The following IL33 variants were observed in gnomAD, a reference collection of about 807,000 sequenced individuals.
The protein encoded by IL33 is interleukin-33.
A neutral mutation model predicts 27.3 loss-of-function variants in IL33; 37 were observed. That is an observed-to-expected ratio of 1.36 (90% CI 1.04 to 1.78). The LOEUF (loss-of-function observed/expected upper bound fraction) is 1.78. IL33 is among the 40% of genes most tolerant of loss of function. IL33 has a pLI of 0.00. For missense variants in IL33, 406 were observed against 311.4 expected, an observed-to-expected ratio of 1.30 and a Z score of -2.29; for synonymous variants, 132 against 102.9, an observed-to-expected ratio of 1.28 and a Z score of -1.71.
chr9:6,252,789 T>C, intron 4 of IL33, 77 bp from the exon 5 acceptor site: 1 of 1,569,220 alleles, frequency 6.4e-7, no homozygotes, highest in South Asian at 1.2e-5. Flanking sequence ...ATTGCAAAAA[T>C]GTTTTTTGAG....
chr9:6,231,008 G>C lies in IL33; in HGVS notation c.-11-10676G>C, dbSNP rs937717867. 3.3e-5 allele frequency among the ~76,000 whole-genome samples: 5 copies of C among 152,100 alleles called. No homozygotes were observed. The South Asian group carries it at 1.0e-3, about 31-fold the overall frequency. On this transcript the variant is annotated intron_variant, in intron 1 of 7. Transcript: ENST00000682010. ...AGTGACATTAGAGATAATATACATAGAGCATCAGTCTTACAGAAGACGCCA... is the reference window on the plus strand; with the variant it reads ...AGTGACATTAGAGATAATATACATACAGCATCAGTCTTACAGAAGACGCCA...
chr9:6,244,597 T>C (rs1327368472), intron 2 of IL33, among the ~76,000 whole-genome samples: 1 of 152,090 alleles, frequency 6.6e-6, no homozygotes, highest in Non-Finnish European at 1.5e-5. Flanking sequence ...TCACTGTGGG[T>C]AACTGAAATC....
At chr9:6,254,879 C>T (rs1247149389) in intron 7 of IL33, among the ~76,000 whole-genome samples, 1 of 152,104 alleles carries the variant, frequency 6.6e-6, no homozygotes, top group Non-Finnish European at 1.5e-5. Flanking sequence ...CCAGGAAATT[C>T]ATATGTGCCT....
At chr9:6,249,414 C>G (rs1406053998) in intron 2 of IL33, among the ~76,000 whole-genome samples, 1 of 152,082 alleles carries the variant, frequency 6.6e-6, no homozygotes, top group African/African-American at 2.4e-5. Context: ...AATTCATTTA[C>G]TACATAATGT....
intron 5 of IL33, 37 bp from the exon 6 acceptor site, chr9:6,253,515 G>A (rs111636145): frequency 6.7e-7 from 1 of 1,499,274 alleles, no homozygotes; most frequent in Non-Finnish European, 9.2e-7. Flanking sequence ...TAACAAAATT[G>A]TGTCTCACCA....
chr9:6,253,786 C>T (rs1471991288), intron 6 of IL33, among the ~76,000 whole-genome samples, 184 bp downstream of exon 6: 2 of 152,156 alleles, frequency 1.3e-5, no homozygotes, highest in Admixed American at 6.5e-5. Flanking sequence ...ACAGCTTAAT[C>T]GTTAGGATAA....
chr9:6,225,297 T>C (rs563696926), intron 1 of IL33, among the ~76,000 whole-genome samples: 1 of 152,328 alleles, frequency 6.6e-6, no homozygotes, highest in Non-Finnish European at 1.5e-5. Context: ...AAAAGTTCCA[T>C]GATAAACTGA....
chr9:6,215,617 A>G (rs550153148), upstream of IL33, among the ~76,000 whole-genome samples: 67 of 152,350 alleles, frequency 4.4e-4, no homozygotes, highest in African/African-American at 1.5e-3. Context: ...TTGCTGGTTT[A>G]AAATATTCAG....
chr9:6,219,280 T>C (rs1369151905), intron 1 of IL33, among the ~76,000 whole-genome samples: 1 of 151,798 alleles, frequency 6.6e-6, no homozygotes, highest in East Asian at 1.9e-4. Flanking sequence ...GATTCTCTGG[T>C]GCTGATGTCT....
At chr9:6,236,524 T>A (rs1819219615) in intron 1 of IL33, among the ~76,000 whole-genome samples, 1 of 152,210 alleles carries the variant, frequency 6.6e-6, no homozygotes, top group African/African-American at 2.4e-5. Flanking sequence ...GAGCCTATAT[T>A]GCAAAGATTT....
chr9:6,239,750 A>G (rs1162983771), intron 1 of IL33, among the ~76,000 whole-genome samples: 1 of 152,054 alleles, frequency 6.6e-6, no homozygotes, highest in African/African-American at 2.4e-5. Flanking sequence ...GCCTATTTCA[A>G]TGCTATCATT....
chr9:6,245,133 C>T (rs559097792), intron 2 of IL33, among the ~76,000 whole-genome samples: 7 of 152,072 alleles, frequency 4.6e-5, no homozygotes, highest in South Asian at 2.1e-4. Context: ...AAAATCCAGC[C>T]GTCTTCATTC....
chr9:6,252,095 AC>A (rs60230979), intron 4 of IL33, among the ~76,000 whole-genome samples: 4,141 of 123,098 alleles, frequency 0.034, 631 homozygotes, highest in Admixed American at 0.051. Flanking sequence ...AAACAAAAAA[AC>A]CAACTTTACC....
At chr9:6,226,945 G>A (rs1818664395) in intron 1 of IL33, among the ~76,000 whole-genome samples, 1 of 152,208 alleles carries the variant, frequency 6.6e-6, no homozygotes, top group Admixed American at 6.5e-5. Context: ...GATAAGACTT[G>A]TATTTGCCTT....
At chr9:6,215,409 G>A (rs775452200), upstream of IL33, among the ~76,000 whole-genome samples, 4 of 152,098 alleles carry the variant, frequency 2.6e-5, no homozygotes, top group Non-Finnish European at 5.9e-5. Flanking sequence ...AAAGGGGGTC[G>A]CAAATTTCTA....
chr9:6,256,222 A>C lies in IL33; in HGVS notation c.*54A>C. 7.9e-7 allele frequency: 1 copy of C among 1,269,806 alleles called. No homozygotes were observed. The highest frequency in any genetic ancestry group is 1.2e-5 in the South Asian group (1 of 81,380). The allele number at this position is 1,269,806 out of a possible 1,614,324, so 78.7% of individuals were successfully genotyped here. A position where few individuals can be genotyped will look rare whatever the true frequency, so the allele number is the denominator to read the frequency against. On this transcript the variant is annotated 3_prime_UTR_variant, in exon 8 of 8. Transcript: ENST00000682010. ...AGTACCCAAATGCTACCACTGGAGA[A>C]GGAATGAGAGATAAAGAAAGAGACA...
chr9:6,245,544 T>C (rs1370672734), intron 2 of IL33, among the ~76,000 whole-genome samples: 1 of 152,184 alleles, frequency 6.6e-6, no homozygotes, highest in Non-Finnish European at 1.5e-5. Context: ...AGTAGTGTGA[T>C]GATAAAGTGA....
intron 4 of IL33, among the ~76,000 whole-genome samples, chr9:6,251,805 C>T (rs1044996170): frequency 1.3e-5 from 2 of 151,180 alleles, no homozygotes; most frequent in African/African-American, 2.4e-5. Flanking sequence ...TTTGGGAGGC[C>T]GAGGTTGATG....
intron 2 of IL33, among the ~76,000 whole-genome samples, chr9:6,245,613 A>C (rs557307866): frequency 2.0e-5 from 3 of 152,244 alleles, no homozygotes; most frequent in Non-Finnish European, 2.9e-5. Flanking sequence ...CTAAGGGACT[A>C]ATGATGAAGG....
Sources: allele counts gnomAD v4.1 joint callset (sites outside exome capture counted in the v4.1 genomes callset), GRCh38; gene constraint gnomAD v4.1.1; transcripts MANE v1.5; gene names NCBI Gene and HGNC (gene_info 2026-07-23, HGNC 2026-07-21).